CFHR5: variants seen among roughly 807,000 people sequenced by gnomAD.
CFHR5 encodes complement factor H related 5.
In CFHR5, 73 loss-of-function variants were observed where a neutral mutation model predicts 62.9. The ratio of observed to expected loss-of-function variants is 1.16; its 90% CI spans 0.96 to 1.41. The LOEUF is 1.41. CFHR5 is among the 40% of genes most tolerant of loss of function. The pLI, the probability that CFHR5 is intolerant of heterozygous loss-of-function variation, is 0.00. For synonymous variants in CFHR5, 249 were observed against 227.2 expected (o/e 1.10, Z -0.86); for missense variants, 779 against 679.9 (o/e 1.15, Z -1.62).
intron 2 of CFHR5, 23 bp downstream of exon 2, chr1:196,983,102 A>G (rs755844450): frequency 6.2e-7 from 1 of 1,613,082 alleles, no homozygotes; most frequent in South Asian, 1.1e-5. Context: ...CCTGTTCATT[A>G]AATGGATGTC....
intron 6 of CFHR5, among the ~76,000 whole-genome samples, 164 bp from the exon 7 acceptor site, chr1:196,997,960 TTTTG>T (rs1654037739): frequency 6.6e-6 from 1 of 152,118 alleles, no homozygotes; most frequent in Non-Finnish European, 1.5e-5. Context: ...GGATACAGTT[TTTTG>T]TTTTATTTTT....
At chr1:197,004,931 A>T (rs1424716173) in intron 9 of CFHR5, 88 bp downstream of exon 9, 4 of 1,017,456 alleles carry the variant, frequency 3.9e-6, no homozygotes, top group Non-Finnish European at 6.0e-6. Context: ...ACCCTTACTT[A>T]AGTTTCATTC....
chr1:196,982,804 A>G (rs1653575220), intron 1 of CFHR5, 81 bp from the exon 2 acceptor site: 2 of 1,336,222 alleles, frequency 1.5e-6, no homozygotes, highest in South Asian at 2.4e-5. Flanking sequence ...AAAACTATAA[A>G]TGAGATGACT....
At chr1:196,991,296 C>G (rs139262945) in intron 3 of CFHR5, among the ~76,000 whole-genome samples, 1 of 152,028 alleles carries the variant, frequency 6.6e-6, no homozygotes, top group Non-Finnish European at 1.5e-5. Context: ...AGCTTCCTTG[C>G]GATGGGTTCA....
chr1:196,975,526 G>A (rs1653376931), upstream of CFHR5, among the ~76,000 whole-genome samples: 5 of 152,172 alleles, frequency 3.3e-5, no homozygotes, highest in Admixed American at 1.3e-4. Context: ...AACAAGATAG[G>A]AGTAAAGATC....
At chr1:196,983,198 G>A in intron 2 of CFHR5, 119 bp downstream of exon 2, 1 of 1,301,624 alleles carries the variant, frequency 7.7e-7, no homozygotes, top group Non-Finnish European at 1.1e-6. Context: ...CTGGAAAAAT[G>A]GGAGATGTAG....
intron 3 of CFHR5, among the ~76,000 whole-genome samples, 174 bp from the exon 4 acceptor site, chr1:196,993,906 G>C (rs569757595): frequency 1.3e-5 from 2 of 152,108 alleles, no homozygotes; most frequent in South Asian, 4.1e-4. Flanking sequence ...ATTTGCCTGA[G>C]GGGTCTTAGA....
At chr1:196,980,549 A>G (rs1218919667) in intron 1 of CFHR5, among the ~76,000 whole-genome samples, 1 of 151,962 alleles carries the variant, frequency 6.6e-6, no homozygotes, top group African/African-American at 2.4e-5. Context: ...TCATTGACCA[A>G]AACGTCATTA....
intron 7 of CFHR5, among the ~76,000 whole-genome samples, chr1:197,000,435 C>A (rs548287932): frequency 6.6e-6 from 1 of 152,184 alleles, no homozygotes; most frequent in South Asian, 2.1e-4. Flanking sequence ...ACAGAAATTT[C>A]TAAACAGATG....
At chr1:196,979,143 T>G (rs1295423526) in intron 1 of CFHR5, among the ~76,000 whole-genome samples, 1 of 152,008 alleles carries the variant, frequency 6.6e-6, no homozygotes, top group Non-Finnish European at 1.5e-5. Flanking sequence ...GCAAAGAAGC[T>G]GGAAAGAATA....
intron 8 of CFHR5, among the ~76,000 whole-genome samples, chr1:197,003,324 A>G (rs1654199789): frequency 6.6e-6 from 1 of 152,088 alleles, no homozygotes; most frequent in Non-Finnish European, 1.5e-5. Context: ...GAGGCCACAG[A>G]GGGTACTGGT....
intron 3 of CFHR5, among the ~76,000 whole-genome samples, chr1:196,986,408 T>C (rs915699801): frequency 2.0e-5 from 3 of 152,114 alleles, no homozygotes; most frequent in Admixed American, 6.6e-5. Flanking sequence ...CTAGGGTACA[T>C]GCGCACAACA....
intron 3 of CFHR5, among the ~76,000 whole-genome samples, chr1:196,986,106 A>G (rs1275693775): frequency 2.0e-5 from 3 of 152,186 alleles, no homozygotes; most frequent in East Asian, 1.9e-4. Context: ...AATTCAGCAG[A>G]ACACTCTGTG....
intron 7 of CFHR5, 114 bp downstream of exon 7, chr1:196,998,418 T>C: frequency 1.1e-6 from 1 of 878,118 alleles, no homozygotes; most frequent in Non-Finnish European, 1.8e-6. Flanking sequence ...ATTTCTATGC[T>C]AATAGTAAAG....
chr1:196,975,494 G>A (rs1447807552), upstream of CFHR5, among the ~76,000 whole-genome samples: 1 of 152,164 alleles, frequency 6.6e-6, no homozygotes, highest in Non-Finnish European at 1.5e-5. Context: ...GAAAAGATGG[G>A]ATCAAATCTG....
At chr1:196,989,880 T>C (rs973610076) in intron 3 of CFHR5, among the ~76,000 whole-genome samples, 1 of 152,200 alleles carries the variant, frequency 6.6e-6, no homozygotes, top group African/African-American at 2.4e-5. Flanking sequence ...TAGATGTCTA[T>C]TAGGTCCGCT....
intron 2 of CFHR5, 48 bp from the exon 3 acceptor site, chr1:196,983,913 T>G: frequency 1.5e-6 from 2 of 1,337,752 alleles, no homozygotes; most frequent in Non-Finnish European, 2.1e-6. Flanking sequence ...TTAAATGCAC[T>G]TTTTTTGCTA....
At chr1:196,994,681 C>A (rs1245653491) in intron 4 of CFHR5, among the ~76,000 whole-genome samples, 1 of 152,112 alleles carries the variant, frequency 6.6e-6, no homozygotes, top group African/African-American at 2.4e-5. Context: ...CTATTTTTAT[C>A]AAAAATGGCT....
At chr1:197,007,243 G>A (rs939846165) in intron 9 of CFHR5, among the ~76,000 whole-genome samples, 2 of 151,478 alleles carry the variant, frequency 1.3e-5, no homozygotes, top group Non-Finnish European at 1.5e-5. Context: ...AGATAGATTA[G>A]AGTCTTGACT....
Sources: allele counts gnomAD v4.1 joint callset (sites outside exome capture counted in the v4.1 genomes callset), GRCh38; gene constraint gnomAD v4.1.1; transcripts MANE v1.5; gene names NCBI Gene and HGNC (gene_info 2026-07-23, HGNC 2026-07-21).